Variants in SHCBP1 observed in about 807,000 individuals in gnomAD.
SHCBP1 encodes the protein SHC SH2 domain-binding protein 1.
In SHCBP1, 60 loss-of-function variants were observed where a neutral mutation model predicts 75.1. That is an observed-to-expected ratio of 0.80 (90% CI 0.65 to 0.99). The LOEUF (loss-of-function observed/expected upper bound fraction) is 0.99, where lower values mean the gene tolerates loss of function less well. Ranked by LOEUF, SHCBP1 falls within the 50% of genes least tolerant of loss-of-function variation. SHCBP1 has a pLI of 0.00. For missense variants in SHCBP1, 709 were observed against 809.4 expected (o/e 0.88, Z 1.50); for synonymous variants, 290 against 293.2 (o/e 0.99, Z 0.11).
At chr16:46,609,894 A>C (rs1965381493) in intron 4 of SHCBP1, among the ~76,000 whole-genome samples, 1 of 151,686 alleles carries the variant, frequency 6.6e-6, no homozygotes, top group African/African-American at 2.4e-5. Flanking sequence ...TCACAGTCTT[A>C]TTTCATCTCT....
Position 46,581,730 on chromosome 16 carries a change from C to G in SHCBP1, c.2018G>C (p.Ter673SerextTer3). ...GKGSFGTFLF[*>S] ...TGCTATCTACTTACATCACTGTAGTCAGAAAAGAAATGTGCCAAAACTACC... is the reference window on the plus strand; with the variant it reads ...TGCTATCTACTTACATCACTGTAGTGAGAAAAGAAATGTGCCAAAACTACC... Residue 673 changes from the stop codon to serine (S), a stop_lost, in exon 13 of 13, where the codon TGA becomes TCA. Transcript: ENST00000303383. 6.2e-7 allele frequency: 1 copy of G among 1,611,218 alleles called. No homozygotes were observed.
Position 46,603,306 on chromosome 16 carries a change from G to A in SHCBP1, c.1213+233C>T, listed in dbSNP as rs115437682. Among the ~76,000 whole-genome samples, 1,138 of 151,814 alleles carry A rather than the reference G, an allele frequency of 7.5e-3. 12 individuals carry two copies. Among genetic ancestry groups the A allele is most frequent in the African/African-American group, 0.027 (1,098 of 41,376 alleles). On this transcript the variant is annotated intron_variant, in intron 8 of 12. Coordinates refer to ENST00000303383, the MANE Select transcript of SHCBP1 (RefSeq NM_024745.5). ...CTTCCTAATGGTCTTTTTTCTATAT[G>A]AGCCTGTGAACATCTCCCCAACATA...
intron 12 of SHCBP1, 76 bp from the exon 13 acceptor site, chr16:46,582,130 T>G (rs1230350955): frequency 3.5e-6 from 5 of 1,439,720 alleles, no homozygotes; most frequent in Non-Finnish European, 4.6e-6. Context: ...CTACACAGTC[T>G]TCTCAACAAG....
intron 10 of SHCBP1, among the ~76,000 whole-genome samples, chr16:46,589,950 T>C (rs1014786169): frequency 1.3e-5 from 2 of 152,168 alleles, no homozygotes; most frequent in African/African-American, 4.8e-5. Context: ...CAAAACAGCA[T>C]GGTACTGGTA....
At chr16:46,593,702 G>T (rs753500454) in intron 10 of SHCBP1, among the ~76,000 whole-genome samples, 1 of 149,932 alleles carries the variant, frequency 6.7e-6, no homozygotes, top group African/African-American at 2.5e-5. Context: ...TCATGCCACC[G>T]CATTCCAGCC....
intron 12 of SHCBP1, 109 bp downstream of exon 12, chr16:46,583,407 T>C: frequency 8.5e-7 from 1 of 1,180,468 alleles, no homozygotes; most frequent in South Asian, 1.6e-5. Context: ...TGCCCAAGCA[T>C]ATCCCAACAA....
intron 4 of SHCBP1, among the ~76,000 whole-genome samples, chr16:46,608,626 C>T (rs1403676927): frequency 1.8e-5 from 2 of 112,998 alleles, no homozygotes; most frequent in East Asian, 5.6e-4. Context: ...TTTTTTGAGA[C>T]ACAGTCTCAC....
intron 8 of SHCBP1, among the ~76,000 whole-genome samples, chr16:46,602,597 A>G (rs1023674957): frequency 6.6e-6 from 1 of 152,220 alleles, no homozygotes; most frequent in Non-Finnish European, 1.5e-5. Context: ...CTAAATTTAG[A>G]AATCACTCTA....
rs770332035 is a variant in SHCBP1 at position 46,582,001 on chromosome 16, CTCTT to C, written c.1743_1746del (p.Arg582TrpfsTer3). 1.2e-6 allele frequency: 2 copies of C among 1,613,996 alleles called. No homozygotes were observed. Among genetic ancestry groups the C allele is most frequent in the Non-Finnish European group, 1.7e-6 (2 of 1,179,934 alleles). On this transcript the variant is annotated frameshift_variant, in exon 13 of 13. Coordinates refer to ENST00000303383, the MANE Select transcript of SHCBP1 (RefSeq NM_024745.5). LOFTEE classifies it high-confidence loss of function. ...CACTCAATCAGCTCTTCTAGATCCACTCTTTCAGCCACATCTGGCTCTCCACTTG... is the reference window on the plus strand; with the variant it reads ...CACTCAATCAGCTCTTCTAGATCCACTCAGCCACATCTGGCTCTCCACTTG...
intron 7 of SHCBP1, 157 bp from the exon 8 acceptor site, chr16:46,603,816 G>T: frequency 7.9e-7 from 1 of 1,270,918 alleles, no homozygotes. Flanking sequence ...CACATGCCTG[G>T]TAAGTGACTA....
At chr16:46,601,552 G>GT (rs768164049) in intron 8 of SHCBP1, among the ~76,000 whole-genome samples, 5 of 152,068 alleles carry the variant, frequency 3.3e-5, no homozygotes, top group Admixed American at 2.6e-4. Flanking sequence ...GCCGCTCAAT[G>GT]TATCTACACT....
In SHCBP1 at chr16:46,592,483, G is replaced by A. The variant is rs546154829; in HGVS notation, c.1464+3069C>T. ...TAAAAATTCCAAAAGAGAAATCTCC[G>A]GGCCCAGGTGATTGCATTGGAGAAA... On this transcript the variant is annotated intron_variant, in intron 10 of 12. Transcript: ENST00000303383. 1.2e-4 allele frequency among the ~76,000 whole-genome samples: 19 copies of A among 152,052 alleles called. No individual in the cohort carries two copies. In the East Asian group the frequency reaches 3.5e-3, roughly 28 times the overall value.
At chr16:46,618,498 C>CCTG in intron 1 of SHCBP1, 126 bp from the exon 2 acceptor site, 1 of 993,992 alleles carries the variant, frequency 1.0e-6, no homozygotes, top group South Asian at 2.9e-5. Flanking sequence ...GTCTACTTAC[C>CCTG]TCTACCATTG....
rs1251261855 is a variant in SHCBP1, at chr16:46,579,928, AAAAAC to A, written c.*1796_*1800del. On this transcript the variant is annotated 3_prime_UTR_variant, in exon 13 of 13. Coordinates refer to ENST00000303383, the MANE Select transcript of SHCBP1 (RefSeq NM_024745.5). ...GGGTGACAAAGTGAAGCTCCATCTC[AAAAAC>A]AAAACAAAATAAAATAAAAATAAAA... Among the ~76,000 whole-genome samples the A allele has an allele frequency of 1.3e-5, 2 of 151,900 alleles. No individual in the cohort carries two copies. Among genetic ancestry groups the A allele is most frequent in the Admixed American group, 1.3e-4 (2 of 15,242 alleles).
chr16:46,614,972 T>C (rs1965472480), intron 4 of SHCBP1, among the ~76,000 whole-genome samples: 1 of 152,208 alleles, frequency 6.6e-6, no homozygotes, highest in South Asian at 2.1e-4. Context: ...TAATTTACAC[T>C]GAGTGTGCCA....
intron 10 of SHCBP1, 192 bp from the exon 11 acceptor site, chr16:46,584,281 A>C (rs955384200): frequency 1.2e-5 from 5 of 413,098 alleles, no homozygotes; most frequent in African/African-American, 1.1e-4. Flanking sequence ...AGTTGTTGAC[A>C]ATTTATCATT....
In SHCBP1 at chr16:46,581,853, C is replaced by A; in HGVS notation, c.1895G>T (p.Arg632Met). ...STQKGQIKKK[R>M]LSELGITQAD... ...TTGCGTGATCCCCAGTTCACTCAAC[C>A]TTTTCTTCTTTATCTGGCCTTTCTG... Residue 632 changes from arginine (R) to methionine (M), a missense_variant, in exon 13 of 13, where the codon AGG becomes ATG. Arg to Met is a moderately conservative substitution (Grantham distance 91, BLOSUM62 -1). Transcript: ENST00000303383. 6.2e-7 allele frequency: 1 copy of A among 1,614,126 alleles called. No individual in the cohort carries two copies. The highest frequency in any genetic ancestry group is 8.5e-7 in the Non-Finnish European group (1 of 1,180,014).
rs7195418 is a variant in SHCBP1 at position 46,595,774 on chromosome 16, T to C, written c.1346-104A>G. On this transcript the variant is annotated intron_variant, in intron 9 of 12. Transcript: ENST00000303383. The stretch of plus-strand genomic sequence containing the variant: ...TAGCTATGGTCTAAATATTTCTCAA[T>C]GGCTATCATTTAAATTTTCTTACCT... 1.4e-3 allele frequency: 900 copies of C among 651,482 alleles called. 7 individuals are homozygous for C. In the African/African-American group the frequency reaches 0.015, roughly 11 times the overall value. 40.4% of individuals were successfully genotyped at this position (651,482 alleles called of 1,614,324 possible).
chr16:46,616,225 C>G lies in SHCBP1; in HGVS notation c.388-71G>C. On this transcript the variant is annotated intron_variant, in intron 3 of 12. Coordinates refer to ENST00000303383, the MANE Select transcript of SHCBP1 (RefSeq NM_024745.5). This position sits in a 1 kb window ranked among gnomAD's most constrained non-coding sequence, Gnocchi z 4.4. ...AGATACACCTATAAGACACTACTGA[C>G]AACCTGATTTTTTTAAAAGCATACA... is the stretch of plus-strand genomic sequence containing the variant. 1 of 1,477,214 alleles carries G rather than the reference C, an allele frequency of 6.8e-7. No individual in the cohort carries two copies. Among genetic ancestry groups the G allele is most frequent in the Non-Finnish European group, 9.2e-7 (1 of 1,081,594 alleles). The allele number at this position is 1,477,214 out of a possible 1,614,324, so 91.5% of individuals were successfully genotyped here. A position where few individuals can be genotyped will look rare whatever the true frequency, so the allele number is the denominator to read the frequency against.
Sources: allele counts gnomAD v4.1 joint callset (sites outside exome capture counted in the v4.1 genomes callset), GRCh38; gene constraint gnomAD v4.1.1; non-coding constraint Gnocchi (gnomAD v3.1); transcripts MANE v1.5; gene names NCBI Gene and HGNC (gene_info 2026-07-23, HGNC 2026-07-21).